The following COL4A4 variants were observed in gnomAD, a reference collection of about 807,000 sequenced individuals.
COL4A4 encodes the protein collagen type IV alpha 4 chain.
Under a neutral mutation model 192.9 loss-of-function variants are expected in COL4A4, and 105 were observed. That is an observed-to-expected ratio of 0.54 (90% confidence interval 0.46 to 0.64). COL4A4 has a LOEUF of 0.64. Ranked by LOEUF, COL4A4 falls within the 30% of genes least tolerant of loss-of-function variation. COL4A4 has a pLI of 0.00. For missense variants in COL4A4, 1,967 were observed against 2,169.3 expected (o/e 0.91, Z 1.85); for synonymous variants, 762 against 769.9 (o/e 0.99, Z 0.17).
At chr2:227,044,808 G>T (rs975798654) in intron 35 of COL4A4, among the ~76,000 whole-genome samples, 4 of 152,110 alleles carry the variant, frequency 2.6e-5, no homozygotes, top group Admixed American at 6.6e-5. Context: ...GTTCAATGAA[G>T]CCTTCTCCAG....
chr2:227,049,102 G>C (rs1489824810), intron 34 of COL4A4, among the ~76,000 whole-genome samples: 1 of 152,148 alleles, frequency 6.6e-6, no homozygotes, highest in Non-Finnish European at 1.5e-5. Context: ...TTACGCTAAG[G>C]CTAAGGTTAA....
chr2:227,121,418 A>G (rs963298076), intron 4 of COL4A4, among the ~76,000 whole-genome samples: 22 of 152,074 alleles, frequency 1.4e-4, no homozygotes, highest in African/African-American at 3.6e-4. Context: ...TATAAAAATT[A>G]GCTGGGCATG....
intron 31 of COL4A4, among the ~76,000 whole-genome samples, 186 bp downstream of exon 31, chr2:227,054,408 A>G (rs986969327): frequency 3.3e-5 from 5 of 152,252 alleles, no homozygotes; most frequent in Non-Finnish European, 7.3e-5. Context: ...TGCCATCTAT[A>G]TGTAATAAGA....
chr2:227,029,956 G>C (rs1170380104), intron 41 of COL4A4, among the ~76,000 whole-genome samples: 1 of 152,208 alleles, frequency 6.6e-6, no homozygotes, highest in Non-Finnish European at 1.5e-5. Flanking sequence ...TGTGCTGTCA[G>C]TGTGGAACAC....
At chr2:227,154,694 T>C (rs2064201077) in intron 1 of COL4A4, among the ~76,000 whole-genome samples, 1 of 152,254 alleles carries the variant, frequency 6.6e-6, no homozygotes, top group African/African-American at 2.4e-5. Context: ...TACATTTCTC[T>C]TTCTAAAACA....
rs141253692 is a variant in COL4A4, at chr2:227,031,878, A to T, written c.3817+67T>A. The T allele has an allele frequency of 8.2e-5, 96 of 1,171,106 alleles. No individual in the cohort carries two copies. In the Middle Eastern group the frequency reaches 1.0e-3, roughly 13 times the overall value. 72.5% of individuals were successfully genotyped at this position (1,171,106 alleles called of 1,614,324 possible). A position where few individuals can be genotyped will look rare whatever the true frequency, so the allele number is the denominator to read the frequency against. ...CTATTCTGCCACTCTCTGGTCCCAC[A>T]TTCCTCCAGAGCTGGCAGCATCTAA... On this transcript the variant is annotated intron_variant, in intron 40 of 47. Coordinates refer to ENST00000396625, the MANE Select transcript of COL4A4 (RefSeq NM_000092.5).
the COL4A4 span, among the ~76,000 whole-genome samples, chr2:226,993,391 A>C: frequency 4.7e-4 from 72 of 152,310 alleles, no homozygotes; most frequent in Middle Eastern, 3.4e-3. Context: ...ATGAGGTGTC[A>C]AGTCCTGGCC....
chr2:227,010,602 G>T, intron 45 of COL4A4, 101 bp from the exon 46 acceptor site: 2 of 940,410 alleles, frequency 2.1e-6, no homozygotes, highest in Non-Finnish European at 3.1e-6. Flanking sequence ...CACTCAGGGA[G>T]CAGAGGGGAG....
In COL4A4 at chr2:227,027,949, T is replaced by G. The variant is rs1409570670; in HGVS notation, c.4034A>C (p.Lys1345Thr). 6.2e-7 allele frequency: 1 copy of G among 1,613,868 alleles called. No homozygotes were observed. The highest frequency in any genetic ancestry group is 1.7e-5 in the Admixed American group (1 of 59,978). The change falls in exon 42 of 48, where the codon AAG (lysine) becomes ACG (threonine). Residue 1345 changes from lysine to threonine, a missense_variant. Physicochemically the swap from Lys to Thr is moderately conservative, Grantham distance 78. Coordinates refer to ENST00000396625, the MANE Select transcript of COL4A4 (RefSeq NM_000092.5). ...PHGFPGPPGE[K>T]GLPGPPGRKG... ...TCTCCCTGGAGGTCCAGGTAAACCC[T>G]TCTCTCCAGGTGGCCCAGGAAATCC...
intron 25 of COL4A4, among the ~76,000 whole-genome samples, chr2:227,065,402 C>T (rs1200569510): frequency 3.9e-5 from 6 of 152,264 alleles, no homozygotes; most frequent in African/African-American, 1.4e-4. Flanking sequence ...CTGCCTGCCT[C>T]TGTAGGCTCC....
chr2:227,022,494 G>T (rs1253011444), intron 43 of COL4A4: 2 of 577,938 alleles, frequency 3.5e-6, no homozygotes, highest in East Asian at 9.1e-5. Context: ...ACCCTCACAG[G>T]ATTGCCCAAT....
At chr2:227,081,375 C>T (rs1469384014) in intron 23 of COL4A4, among the ~76,000 whole-genome samples, 1 of 152,198 alleles carries the variant, frequency 6.6e-6, no homozygotes, top group Non-Finnish European at 1.5e-5. Context: ...CTGAATGCTT[C>T]CTGCCCTTGG....
intron 4 of COL4A4, among the ~76,000 whole-genome samples, chr2:227,128,522 T>C (rs2062222799): frequency 6.6e-6 from 1 of 152,176 alleles, no homozygotes; most frequent in African/African-American, 2.4e-5. Flanking sequence ...AAAGCTGAGC[T>C]CAGCCCTCTG....
In COL4A4 at chr2:227,042,060, G is replaced by T. The variant is rs550164397; in HGVS notation, c.3505+88C>A. The T allele has an allele frequency of 9.9e-5, 82 of 828,060 alleles. No individual in the cohort carries two copies. In the South Asian group the frequency reaches 1.1e-3, roughly 11 times the overall value. 51.3% of individuals were successfully genotyped at this position (828,060 alleles called of 1,614,324 possible). On this transcript the variant is annotated intron_variant, in intron 37 of 47. Transcript: ENST00000396625. ...AAAGAGTGGTATAACCAAGAGCAGG[G>T]TCACTCACTGGTACAGGAAAAAAAC... is the stretch of plus-strand genomic sequence containing the variant.
chr2:227,102,004 G>A, intron 15 of COL4A4, 95 bp from the exon 16 acceptor site: 4 of 866,912 alleles, frequency 4.6e-6, no homozygotes, highest in South Asian at 3.3e-5. Flanking sequence ...ATTGTTCCAT[G>A]GATATTTGGT....
At chr2:227,043,237 T>A in intron 35 of COL4A4, 53 bp from the exon 36 acceptor site, 1 of 1,436,594 alleles carries the variant, frequency 7.0e-7, no homozygotes, top group Non-Finnish European at 9.8e-7. Flanking sequence ...AGTGAATCTT[T>A]AAAATCACCA....
At position 227,131,383 on chromosome 2, in the gene COL4A4, C is replaced by T. The variant is rs187469528; in HGVS notation, c.192+8778G>A. ...TGTTAGCCAGGCTGATGTTGAACTC[C>T]TGACCTCATGATCCACCCACCTTGG... On this transcript the variant is annotated intron_variant, in intron 4 of 47. Transcript: ENST00000396625. 1.2e-3 allele frequency among the ~76,000 whole-genome samples: 184 copies of T among 152,242 alleles called. 2 individuals carry two copies. The highest frequency in any genetic ancestry group is 4.1e-3 in the African/African-American group (169 of 41,528).
chr2:227,040,169 A>T (rs1235563197), intron 37 of COL4A4, among the ~76,000 whole-genome samples: 1 of 152,250 alleles, frequency 6.6e-6, no homozygotes, highest in Non-Finnish European at 1.5e-5. Context: ...AGGGGTTTCC[A>T]ACTCAGTACC....
At position 227,007,543 on chromosome 2, in the gene COL4A4, G is replaced by C; in HGVS notation, c.4855C>G (p.Pro1619Ala). 6.2e-7 allele frequency: 1 copy of C among 1,613,238 alleles called. No homozygotes were observed. The highest frequency in any genetic ancestry group is 8.5e-7 in the Non-Finnish European group (1 of 1,180,044). The part of the protein sequence containing the change: ...DQGGGQALMS[P>A]GSCLEDFRAA... ...CTGAAATCTTCCAGGCAGCTGCCAG[G>C]TGACATAAGGGCCTGCCCTCCTCCT... The change falls in exon 48 of 48, where the codon CCT becomes GCT. Residue 1619 changes from proline to alanine, a missense_variant. By Grantham distance (27) the Pro-to-Ala change is conservative. Transcript: ENST00000396625.
Sources: allele counts gnomAD v4.1 joint callset (sites outside exome capture counted in the v4.1 genomes callset), GRCh38; gene constraint gnomAD v4.1.1; transcripts MANE v1.5; gene names NCBI Gene and HGNC (gene_info 2026-07-23, HGNC 2026-07-21).